The following CNST variants were observed in gnomAD, a reference collection of about 807,000 sequenced individuals.
The protein encoded by CNST is consortin.
In CNST, 39 loss-of-function variants were observed where a neutral mutation model predicts 72.4. The ratio of observed to expected loss-of-function variants is 0.54; its 90% confidence interval spans 0.42 to 0.70. CNST has a LOEUF of 0.70. Among genes scored for constraint, CNST ranks in the 30% least tolerant of loss-of-function variants. CNST has a pLI of 0.00. For synonymous variants in CNST, 332 were observed against 320.1 expected, an observed-to-expected ratio of 1.04 and a Z score of -0.40; for missense variants, 871 against 868.5, an observed-to-expected ratio of 1.00 and a Z score of -0.04.
At chr1:246,583,452 A>G (rs1171887412) in intron 1 of CNST, among the ~76,000 whole-genome samples, 1 of 152,258 alleles carries the variant, frequency 6.6e-6, no homozygotes, top group Non-Finnish European at 1.5e-5. Flanking sequence ...GGCAGGGTTT[A>G]TAGACATAGC....
intron 9 of CNST, among the ~76,000 whole-genome samples, chr1:246,653,616 C>T (rs992372433): frequency 6.6e-6 from 1 of 152,234 alleles, no homozygotes; most frequent in African/African-American, 2.4e-5. Flanking sequence ...ACCTGTTTTC[C>T]AAATGGCCTC....
At chr1:246,650,554 A>T (rs959608947) in intron 9 of CNST, among the ~76,000 whole-genome samples, 24 of 152,196 alleles carry the variant, frequency 1.6e-4, no homozygotes, top group African/African-American at 5.5e-4. Flanking sequence ...TAATACCTTA[A>T]CAATGAGGTT....
chr1:246,606,547 A>G (rs1662837617), intron 2 of CNST: 1 of 152,190 alleles, frequency 6.6e-6, no homozygotes, highest in Non-Finnish European at 1.5e-5. Flanking sequence ...TCACACGAGC[A>G]TTTCCAGGGC....
chr1:246,576,706 T>C (rs1660460875), intron 1 of CNST, among the ~76,000 whole-genome samples: 1 of 151,836 alleles, frequency 6.6e-6, no homozygotes, highest in Non-Finnish European at 1.5e-5. Context: ...ATTGGCCAGG[T>C]TGGTCTCTAA....
intron 1 of CNST, among the ~76,000 whole-genome samples, chr1:246,575,989 C>T (rs1443222357): frequency 6.6e-6 from 1 of 151,430 alleles, no homozygotes; most frequent in Non-Finnish European, 1.5e-5. Context: ...AATCCCAGCA[C>T]TTTGGGAGGC....
Position 246,574,438 on chromosome 1 carries a change from T to G in CNST, c.-52+7775T>G, listed in dbSNP as rs191985740. On this transcript the variant is annotated intron_variant, in intron 1 of 10. Transcript: ENST00000366513. ...TTTTCTTTTTCTTTAAAAAAAATTTTTTTTAGAGACAGCTTGTCGCACTAT... is the reference window on the plus strand; with the variant it reads ...TTTTCTTTTTCTTTAAAAAAAATTTGTTTTAGAGACAGCTTGTCGCACTAT... 2.2e-4 allele frequency among the ~76,000 whole-genome samples: 33 copies of G among 152,334 alleles called. 1 individual carries two copies. Among genetic ancestry groups the G allele is most frequent in the Middle Eastern group, 3.4e-3 (1 of 294 alleles).
At chr1:246,576,527 ACT>A (rs1387086473) in intron 1 of CNST, among the ~76,000 whole-genome samples, 1 of 147,720 alleles carries the variant, frequency 6.8e-6, no homozygotes, top group African/African-American at 2.5e-5. Context: ...ATGGAGTCTC[ACT>A]CTGTCACCCA....
In CNST at chr1:246,582,417, C is replaced by T. The variant is rs768291087; in HGVS notation, c.-51-9095C>T. On this transcript the variant is annotated intron_variant, in intron 1 of 10. Transcript: ENST00000366513. Reference sequence around the variant, plus strand: ...AGCCTGGAGTGCAGTGGTGTGATCCCGGCTCCCTGCAACCTCCGCCTCCCA... The same window carrying T: ...AGCCTGGAGTGCAGTGGTGTGATCCTGGCTCCCTGCAACCTCCGCCTCCCA... Among the ~76,000 whole-genome samples, 42 of 151,608 alleles carry T rather than the reference C, an allele frequency of 2.8e-4. 1 individual carries two copies. Among genetic ancestry groups the T allele is most frequent in the East Asian group, 1.5e-3 (8 of 5,168 alleles).
chr1:246,578,418 A>G (rs1452520354), intron 1 of CNST, among the ~76,000 whole-genome samples: 2 of 152,038 alleles, frequency 1.3e-5, no homozygotes, highest in Non-Finnish European at 2.9e-5. Flanking sequence ...CACGCCTGTA[A>G]TCCCAGCACT....
intron 9 of CNST, among the ~76,000 whole-genome samples, chr1:246,658,455 A>T (rs917544687): frequency 2.6e-5 from 4 of 151,660 alleles, no homozygotes; most frequent in Non-Finnish European, 5.9e-5. Context: ...AGAAAAGAAT[A>T]TATTGTTGGC....
In CNST at chr1:246,647,714, G is replaced by A. The variant is rs373949522; in HGVS notation, c.1513G>A (p.Gly505Ser). The change falls in exon 9 of 11, where the codon GGT becomes AGT. Residue 505 changes from glycine to serine, a missense_variant. Coordinates refer to ENST00000366513, the MANE Select transcript of CNST (RefSeq NM_152609.3). ...KSPQAQADSD[G>S]SENVLCGNNQ... is the part of the protein sequence containing the mutation. ...ACCACAGGCGCAGGCTGACTCAGACGGTTCTGAGAATGTGCTCTGTGGAAA... is the reference window on the plus strand; with the variant it reads ...ACCACAGGCGCAGGCTGACTCAGACAGTTCTGAGAATGTGCTCTGTGGAAA... 53 of 1,614,004 alleles carry A rather than the reference G, an allele frequency of 3.3e-5. No homozygotes were observed. The highest frequency in any genetic ancestry group is 2.7e-4 in the African/African-American group (20 of 74,908).
At chr1:246,579,634 A>G (rs1376137959) in intron 1 of CNST, among the ~76,000 whole-genome samples, 2 of 152,156 alleles carry the variant, frequency 1.3e-5, no homozygotes, top group Non-Finnish European at 2.9e-5. Flanking sequence ...GGGCACCTGT[A>G]ATTCCAGCTA....
At chr1:246,636,437 C>T (rs1227312124) in intron 6 of CNST, among the ~76,000 whole-genome samples, 6 of 152,108 alleles carry the variant, frequency 3.9e-5, no homozygotes, top group African/African-American at 9.7e-5. Context: ...CGGGCTCCCC[C>T]GCATACCCAG....
At chr1:246,664,679 G>A (rs956647452) in intron 10 of CNST, among the ~76,000 whole-genome samples, 1 of 152,062 alleles carries the variant, frequency 6.6e-6, no homozygotes, top group Non-Finnish European at 1.5e-5. Flanking sequence ...GCCCGCCTCA[G>A]CCTCCCAAAG....
chr1:246,599,569 A>G (rs955874873), intron 2 of CNST, among the ~76,000 whole-genome samples: 1 of 152,106 alleles, frequency 6.6e-6, no homozygotes. Flanking sequence ...GTCCCTTGTG[A>G]TTACACTGGG....
Position 246,621,582 on chromosome 1 carries a change from G to A in CNST, c.533G>A (p.Arg178Gln), listed in dbSNP as rs1368676974. 2.5e-6 allele frequency: 4 copies of A among 1,614,148 alleles called. No homozygotes were observed. Among genetic ancestry groups the A allele is most frequent in the African/African-American group, 2.7e-5 (2 of 75,054 alleles). Residue 178 changes from arginine to glutamine, a missense_variant, in exon 3 of 11, where the codon CGA (arginine) becomes CAA (glutamine). Arg to Gln is a conservative substitution (Grantham distance 43). Coordinates refer to ENST00000366513, the MANE Select transcript of CNST (RefSeq NM_152609.3). ...LVLQSLFSLI[R>Q]GEVEQLDSRA... ...CTGCAGTCTCTGTTTTCACTTATAC[G>A]AGGTGAAGTTGAGCAGTTGGATTCA... is the stretch of plus-strand genomic sequence containing the variant.
intron 1 of CNST, among the ~76,000 whole-genome samples, chr1:246,574,199 G>A (rs1366384048): frequency 1.3e-5 from 2 of 151,918 alleles, no homozygotes; most frequent in African/African-American, 2.4e-5. Flanking sequence ...CCGCCACCGC[G>A]CCCGGCTAAT....
intron 2 of CNST, among the ~76,000 whole-genome samples, chr1:246,600,286 A>C (rs1250070210): frequency 6.6e-6 from 1 of 152,258 alleles, no homozygotes; most frequent in Admixed American, 6.5e-5. Flanking sequence ...GGAGGCTTAG[A>C]AGATTAGCAA....
chr1:246,630,068 G>A (rs774705703), intron 3 of CNST, among the ~76,000 whole-genome samples: 1 of 152,206 alleles, frequency 6.6e-6, no homozygotes, highest in African/African-American at 2.4e-5. Flanking sequence ...TCAATTAGGT[G>A]TAACCCCCTC....
Sources: allele counts gnomAD v4.1 joint callset (sites outside exome capture counted in the v4.1 genomes callset), GRCh38; gene constraint gnomAD v4.1.1; transcripts MANE v1.5; gene names NCBI Gene and HGNC (gene_info 2026-07-23, HGNC 2026-07-21).